BTG4: variants seen among roughly 807,000 people sequenced by gnomAD.
The protein encoded by BTG4 is protein BTG4.
A neutral mutation model predicts 19.3 loss-of-function variants in BTG4; 10 were observed. That is an observed-to-expected ratio of 0.52 (90% CI 0.32 to 0.88). The LOEUF (loss-of-function observed/expected upper bound fraction) is 0.88. BTG4 is among the 40% of genes least tolerant of loss of function. The probability of loss-of-function intolerance (pLI) is 0.04; values close to 1 mark genes in which losing one functional copy is unlikely to be tolerated. For missense variants in BTG4, 238 were observed against 281.9 expected, an observed-to-expected ratio of 0.84 and a Z score of 1.11; for synonymous variants, 91 against 95.7, an observed-to-expected ratio of 0.95 and a Z score of 0.29.
the BTG4 span, chr11:111,455,787 C>T: frequency 2.2e-6 from 1 of 454,904 alleles, no homozygotes; most frequent in African/African-American, 2.0e-5. Flanking sequence ...CGGTGCTGGG[C>T]CACCTGTCCC....
At chr11:111,447,986 C>A in the BTG4 span, among the ~76,000 whole-genome samples, 1 of 152,160 alleles carries the variant, frequency 6.6e-6, no homozygotes, top group Admixed American at 6.5e-5. Context: ...GCCTCCCCAG[C>A]GGTCTTTCTC....
At chr11:111,422,962 T>C in the BTG4 span, among the ~76,000 whole-genome samples, 1 of 152,196 alleles carries the variant, frequency 6.6e-6, no homozygotes, top group South Asian at 2.1e-4. Context: ...TTAGTGAGAC[T>C]CCCTGTGTCA....
chr11:111,456,770 C>T, the BTG4 span: 1 of 303,736 alleles, frequency 3.3e-6, no homozygotes, highest in East Asian at 8.0e-5. The surrounding 1 kb of genome is among the most constrained non-coding windows in gnomAD (Gnocchi z 4.2). Flanking sequence ...CTATCCCCAA[C>T]TCAGCTCTGG....
chr11:111,483,630 C>T (rs988831391), intron 5 of BTG4, among the ~76,000 whole-genome samples: 4 of 151,942 alleles, frequency 2.6e-5, no homozygotes, highest in African/African-American at 9.7e-5. Context: ...ATTGACCAAG[C>T]TGAAGAAAGA....
At chr11:111,441,329 G>A in the BTG4 span, among the ~76,000 whole-genome samples, 1 of 152,096 alleles carries the variant, frequency 6.6e-6, no homozygotes, top group African/African-American at 2.4e-5. Flanking sequence ...CAGGAAGGAA[G>A]GAGTATTGAG....
intron 1 of BTG4, among the ~76,000 whole-genome samples, chr11:111,511,919 T>A (rs1866959455): frequency 6.6e-6 from 1 of 152,224 alleles, no homozygotes. Flanking sequence ...AGTTTAGTAA[T>A]TTATTATATA....
chr11:111,472,721 C>T (rs896099534), intron 5 of BTG4, among the ~76,000 whole-genome samples: 1 of 152,192 alleles, frequency 6.6e-6, no homozygotes, highest in Non-Finnish European at 1.5e-5. Context: ...ACATAATTTA[C>T]TTACACTTGT....
chr11:111,483,634 A>G lies in BTG4; in HGVS notation c.662+11529T>C, dbSNP rs559352522. 3.3e-5 allele frequency among the ~76,000 whole-genome samples: 5 copies of G among 152,308 alleles called. No individual in the cohort carries two copies. The East Asian group carries it at 9.6e-4, about 29-fold the overall frequency. ...ATCAACAGCAAATTGACCAAGCTGA[A>G]GAAAGAATCAGTGAGTTTGAGTCAG... On this transcript the variant is annotated intron_variant, in intron 5 of 5. Transcript: ENST00000356018.
chr11:111,479,143 G>A (rs1168341229), intron 5 of BTG4, among the ~76,000 whole-genome samples: 1 of 151,992 alleles, frequency 6.6e-6, no homozygotes, highest in Non-Finnish European at 1.5e-5. Flanking sequence ...TACCACTAGA[G>A]GAAAAACAAC....
chr11:111,474,563 TACTC>T lies in BTG4; in HGVS notation c.663-6886_663-6883del, dbSNP rs1591457627. On this transcript the variant is annotated intron_variant, in intron 5 of 5. Transcript: ENST00000356018. ...CCCACTGTGTAGATACATTACTACT[TACTC>T]ATTCAACTGTTGATGCATATGTGGG... 2.6e-5 allele frequency among the ~76,000 whole-genome samples: 4 copies of T among 152,190 alleles called. No individual in the cohort carries two copies. The East Asian group carries it at 7.7e-4, about 29-fold the overall frequency.
chr11:111,505,584 G>T (rs1866392512), intron 1 of BTG4, among the ~76,000 whole-genome samples: 1 of 151,926 alleles, frequency 6.6e-6, no homozygotes, highest in Non-Finnish European at 1.5e-5. Flanking sequence ...AATAATTTAT[G>T]ATGAAGATTC....
chr11:111,404,250 T>C, the BTG4 span, among the ~76,000 whole-genome samples: 35 of 152,348 alleles, frequency 2.3e-4, no homozygotes, highest in African/African-American at 8.2e-4. Flanking sequence ...TGTGAGTCCA[T>C]TAAACCTCTT....
chr11:111,387,213 G>T, the BTG4 span, among the ~76,000 whole-genome samples: 1 of 152,098 alleles, frequency 6.6e-6, no homozygotes, highest in East Asian at 1.9e-4. Flanking sequence ...CCAATTTCTA[G>T]TTTTCCAAGA....
chr11:111,407,458 G>A, the BTG4 span, among the ~76,000 whole-genome samples: 1 of 152,112 alleles, frequency 6.6e-6, no homozygotes, highest in Non-Finnish European at 1.5e-5. Context: ...ATCACCTGAG[G>A]TCAGGAGTTC....
At chr11:111,395,957 GC>G in the BTG4 span, among the ~76,000 whole-genome samples, 1 of 152,212 alleles carries the variant, frequency 6.6e-6, no homozygotes, top group Non-Finnish European at 1.5e-5. Flanking sequence ...TCTCGCAGAA[GC>G]CGCCCCGGAG....
At chr11:111,504,396 G>A (rs963793448) in intron 1 of BTG4, among the ~76,000 whole-genome samples, 1 of 152,040 alleles carries the variant, frequency 6.6e-6, no homozygotes, top group Non-Finnish European at 1.5e-5. Flanking sequence ...ATTAATTTTA[G>A]TGCAGCCTAA....
chr11:111,400,157 G>C, the BTG4 span, among the ~76,000 whole-genome samples: 86,259 of 151,886 alleles, frequency 0.57, 26,028 homozygotes, highest in Admixed American at 0.7. Flanking sequence ...CCTCGGAAAA[G>C]TCATGCCGCC....
chr11:111,453,665 G>A, the BTG4 span: 1 of 376,358 alleles, frequency 2.7e-6, no homozygotes, highest in East Asian at 7.4e-5. Flanking sequence ...CATCTTCCAA[G>A]ATTGCTCAAT....
At chr11:111,393,898 T>C in the BTG4 span, among the ~76,000 whole-genome samples, 1 of 152,218 alleles carries the variant, frequency 6.6e-6, no homozygotes, top group Non-Finnish European at 1.5e-5. Context: ...GAATTTTATC[T>C]CTGGAATCAA....
Sources: gnomAD v4.1 joint callset for allele counts (sites outside exome capture counted in the v4.1 genomes callset) on GRCh38, gnomAD v4.1.1 for gene constraint, Gnocchi (gnomAD v3.1) non-coding constraint, MANE v1.5 for transcripts, NCBI Gene and HGNC (gene_info 2026-07-23, HGNC 2026-07-21) for gene names.